Variants in PAFAH1B2 observed in about 807,000 individuals in gnomAD.
PAFAH1B2 encodes platelet activating factor acetylhydrolase 1b catalytic subunit 2, also known as platelet-activating factor acetylhydrolase IB subunit alpha2.
In PAFAH1B2, 8 loss-of-function variants were observed where a neutral mutation model predicts 28.0. The observed-to-expected ratio is 0.29, with a 90% CI of 0.17 to 0.52. The LOEUF (loss-of-function observed/expected upper bound fraction) is 0.52. Among genes scored for constraint, PAFAH1B2 ranks in the 20% least tolerant of loss-of-function variants. The pLI, the probability that PAFAH1B2 is intolerant of heterozygous loss-of-function variation, is 0.97. For missense variants in PAFAH1B2, 190 were observed against 282.6 expected (o/e 0.67, Z 2.35); for synonymous variants, 104 against 103.2 (o/e 1.01, Z -0.05).
At position 117,149,430 on chromosome 11, in the gene PAFAH1B2, G is replaced by GTTTTTTTTTTTTTTTTTTTTTTT. The variant is rs746125678; in HGVS notation, c.-7-2997_-7-2996insTTTTTTTTTTTTTTTTTTTTTTT. On this transcript the variant is annotated intron_variant, in intron 1 of 5. Coordinates refer to ENST00000527958, the MANE Select transcript of PAFAH1B2 (RefSeq NM_002572.4). ...TTAATTTAAAAAAAGTTTTCTAATCGTTTTTTTTTTTTTTGAGATGGAGTC... is the reference window on the plus strand; with the variant it reads ...TTAATTTAAAAAAAGTTTTCTAATCGTTTTTTTTTTTTTTTTTTTTTTTTTTTTTTTTTTTTTGAGATGGAGTC... 3.7e-4 allele frequency among the ~76,000 whole-genome samples: 32 copies of GTTTTTTTTTTTTTTTTTTTTTTT among 86,078 alleles called. 6 individuals are homozygous for GTTTTTTTTTTTTTTTTTTTTTTT. Among genetic ancestry groups the GTTTTTTTTTTTTTTTTTTTTTTT allele is most frequent in the Admixed American group, 4.8e-4 (3 of 6,190 alleles). The allele number at this position is 86,078 out of a possible 152,430, so 56.5% of individuals were successfully genotyped here.
Position 117,170,785 on chromosome 11 carries a change from AT to A in PAFAH1B2, c.*3087del, listed in dbSNP as rs1956635070. ...TTGCAGTGAAGAAGAAACTAAAAAT[AT>A]ATGGAAATGAGGAGCATGTCCAAGC... On this transcript the variant is annotated 3_prime_UTR_variant, in exon 6 of 6. Transcript: ENST00000527958. The A allele has an allele frequency of 1.9e-6, 2 of 1,060,476 alleles. No individual in the cohort carries two copies. Among genetic ancestry groups the A allele is most frequent in the Non-Finnish European group, 2.3e-6 (2 of 876,290 alleles). 65.7% of individuals were successfully genotyped at this position (1,060,476 alleles called of 1,614,324 possible).
chr11:117,176,342 C>T (rs1378236722), exon 6 of PAFAH1B2: 1 of 272,796 alleles, frequency 3.7e-6, no homozygotes, highest in Non-Finnish European at 6.9e-6. Flanking sequence ...ATAACTACAA[C>T]AGTACCTGGC....
intron 2 of PAFAH1B2, among the ~76,000 whole-genome samples, chr11:117,157,266 T>C (rs1422161282): frequency 2.0e-5 from 3 of 151,656 alleles, no homozygotes; most frequent in Non-Finnish European, 4.4e-5. Flanking sequence ...TGTTTTGTTT[T>C]CTTTTTTAAA....
chr11:117,164,994 C>T (rs749279339), intron 5 of PAFAH1B2, among the ~76,000 whole-genome samples: 17 of 133,970 alleles, frequency 1.3e-4, no homozygotes, highest in African/African-American at 3.3e-4. Flanking sequence ...CTCGCTCTGT[C>T]GCCTAGGCTG....
chr11:117,171,291 C>G (rs760504071), downstream of PAFAH1B2, among the ~76,000 whole-genome samples: 9 of 152,128 alleles, frequency 5.9e-5, no homozygotes, highest in Non-Finnish European at 1.2e-4. Context: ...TACTCTTTTC[C>G]ATTAGATTGG....
Position 117,167,671 on chromosome 11 carries a change from C to T in PAFAH1B2, c.662C>T (p.Pro221Leu), listed in dbSNP as rs773238198. The change falls in exon 6 of 6, where the codon CCT (proline) becomes CTT (leucine). Residue 221 changes from proline to leucine, a missense_variant. Transcript: ENST00000527958. Reference sequence around the variant, plus strand: ...ATCATGCAGTTGTTGGAGGAAACACCTGAGGAGAAACAAACCACCATTGCC... The same window carrying T: ...ATCATGCAGTTGTTGGAGGAAACACTTGAGGAGAAACAAACCACCATTGCC... ...ELIMQLLEETPEEKQTTIA is the reference protein window; with the variant it reads ...ELIMQLLEETLEEKQTTIA 1.3e-6 allele frequency: 2 copies of T among 1,565,012 alleles called. No individual in the cohort carries two copies. Among genetic ancestry groups the T allele is most frequent in the African/African-American group, 2.7e-5 (2 of 74,046 alleles).
chr11:117,161,464 G>A (rs1440370820), intron 4 of PAFAH1B2, among the ~76,000 whole-genome samples: 1 of 151,820 alleles, frequency 6.6e-6, no homozygotes, highest in Non-Finnish European at 1.5e-5. Context: ...TTTGCCTATT[G>A]GGTTGTATTT....
rs1555033287 is a variant in PAFAH1B2, at chr11:117,168,449, T to TGTTGTTG, written c.*750_*751insGTTGTTG. 8.3e-6 allele frequency: 5 copies of TGTTGTTG among 599,222 alleles called. No homozygotes were observed. The highest frequency in any genetic ancestry group is 9.8e-6 in the Non-Finnish European group (5 of 511,686). 37.1% of individuals were successfully genotyped at this position (599,222 alleles called of 1,614,324 possible). A position where few individuals can be genotyped will look rare whatever the true frequency, so the allele number is the denominator to read the frequency against. On this transcript the variant is annotated 3_prime_UTR_variant, in exon 6 of 6. Transcript: ENST00000527958. ...CCTTCATTCCCCCCGCCACCCCGTT[T>TGTTGTTG]TTTTTTTTTTTTTTTTTTTTTTGGT...
downstream of PAFAH1B2, chr11:117,171,826 C>A: frequency 1.8e-6 from 2 of 1,104,230 alleles, no homozygotes; most frequent in Admixed American, 2.0e-5. Context: ...TATCACTGTT[C>A]ACCTCAGTGG....
In PAFAH1B2 at chr11:117,170,492, G is replaced by A. The variant is rs1478192649; in HGVS notation, c.*2793G>A. On this transcript the variant is annotated 3_prime_UTR_variant, in exon 6 of 6. Coordinates refer to ENST00000527958, the MANE Select transcript of PAFAH1B2 (RefSeq NM_002572.4). ...TGTGTTCTCGGTCGCCGTAGACAGC[G>A]CTCTGGCTACCACCGTGAGGCTACT... 3.8e-6 allele frequency: 4 copies of A among 1,058,098 alleles called. No homozygotes were observed. The highest frequency in any genetic ancestry group is 1.7e-5 in the African/African-American group (1 of 60,162). The allele number at this position is 1,058,098 out of a possible 1,614,324, so 65.5% of individuals were successfully genotyped here.
downstream of PAFAH1B2, among the ~76,000 whole-genome samples, chr11:117,172,373 TATATATA>T (rs1956674954): frequency 2.0e-4 from 1 of 5,030 alleles, no homozygotes; most frequent in African/African-American, 4.6e-4. Flanking sequence ...TATATATATA[TATATATA>T]TATATATATA....
downstream of PAFAH1B2, among the ~76,000 whole-genome samples, chr11:117,177,307 C>T (rs147669969): frequency 6.6e-6 from 1 of 152,226 alleles, no homozygotes; most frequent in East Asian, 1.9e-4. Flanking sequence ...AAGAACCACT[C>T]ACAATCCATT....
At chr11:117,173,983 CTT>C (rs779711614), downstream of PAFAH1B2, among the ~76,000 whole-genome samples, 29 of 152,052 alleles carry the variant, frequency 1.9e-4, no homozygotes, top group Non-Finnish European at 3.7e-4. Context: ...GGTTTTGAAT[CTT>C]TTTTTTCTGG....
chr11:117,167,577 G>A lies in PAFAH1B2; in HGVS notation c.568G>A (p.Asp190Asn), dbSNP rs745995174. The change falls in exon 6 of 6, where the codon GAC becomes AAC. Residue 190 changes from aspartate (D) to asparagine (N), a missense_variant. By Grantham distance (23) the Asp-to-Asn change is conservative. Coordinates refer to ENST00000527958, the MANE Select transcript of PAFAH1B2 (RefSeq NM_002572.4). ...VHSDGAISCH[D>N]MFDFLHLTGG... Reference sequence around the variant, plus strand: ...CTCGGACGGTGCCATCTCCTGCCACGACATGTTTGATTTTCTGCATCTGAC... The same window carrying A: ...CTCGGACGGTGCCATCTCCTGCCACAACATGTTTGATTTTCTGCATCTGAC... 5.6e-6 allele frequency: 9 copies of A among 1,612,690 alleles called. No individual in the cohort carries two copies. The highest frequency in any genetic ancestry group is 6.8e-6 in the Non-Finnish European group (8 of 1,179,284).
At chr11:117,150,526 A>C (rs1478874943) in intron 1 of PAFAH1B2, among the ~76,000 whole-genome samples, 1 of 152,028 alleles carries the variant, frequency 6.6e-6, no homozygotes, top group Non-Finnish European at 1.5e-5. Context: ...TGTTTGCATA[A>C]TTAGTGTTAG....
At chr11:117,151,405 A>G (rs1246583437) in intron 1 of PAFAH1B2, among the ~76,000 whole-genome samples, 1 of 151,252 alleles carries the variant, frequency 6.6e-6, no homozygotes. Context: ...AATTTTTTGT[A>G]TTTTTAGTAG....
intron 1 of PAFAH1B2, among the ~76,000 whole-genome samples, chr11:117,149,033 ATTTTTTT>A (rs71037462): frequency 0.015 from 1,816 of 118,630 alleles, 46 homozygotes; most frequent in African/African-American, 0.055. Context: ...ACACCTGCCA[ATTTTTTT>A]TTTTTTTTTT....
At chr11:117,146,063 A>G (rs1203722666) in intron 1 of PAFAH1B2, among the ~76,000 whole-genome samples, 1 of 151,774 alleles carries the variant, frequency 6.6e-6, no homozygotes, top group African/African-American at 2.4e-5. Context: ...TGGCAAATTA[A>G]CAAAACTTGT....
At chr11:117,161,302 C>A in intron 4 of PAFAH1B2, 41 bp downstream of exon 4, 1 of 1,249,598 alleles carries the variant, frequency 8.0e-7, no homozygotes, top group South Asian at 1.4e-5. Context: ...AATCTTAAGT[C>A]TGTTTTGGAT....
Sources: allele counts gnomAD v4.1 joint callset (sites outside exome capture counted in the v4.1 genomes callset), GRCh38; gene constraint gnomAD v4.1.1; transcripts MANE v1.5; gene names NCBI Gene and HGNC (gene_info 2026-07-23, HGNC 2026-07-21).